Variants in AFDN observed in about 807,000 individuals in gnomAD.
AFDN encodes the protein afadin.
A neutral mutation model predicts 216.6 loss-of-function variants in AFDN; 68 were observed. The ratio of observed to expected loss-of-function variants is 0.31; its 90% CI spans 0.26 to 0.38. AFDN has a LOEUF of 0.38. AFDN is among the 10% of genes least tolerant of loss of function. The pLI is 1.00. For synonymous variants in AFDN, 868 were observed against 853.7 expected (o/e 1.02, Z -0.29); for missense variants, 2,136 against 2,342.0 (o/e 0.91, Z 1.82).
intron 23 of AFDN, among the ~76,000 whole-genome samples, chr6:167,942,845 A>G (rs145966387): frequency 2.6e-5 from 4 of 152,356 alleles, no homozygotes; most frequent in East Asian, 3.9e-4. Context: ...GATTGATAGT[A>G]TATATCATGC....
intron 19 of AFDN, 39 bp from the exon 20 acceptor site, chr6:167,917,050 A>T: frequency 1.9e-6 from 3 of 1,577,416 alleles, no homozygotes; most frequent in Non-Finnish European, 2.6e-6. Flanking sequence ...AAATAACTTT[A>T]CAAGTGTGAT....
intron 1 of AFDN, among the ~76,000 whole-genome samples, chr6:167,853,173 T>G: frequency 6.6e-6 from 1 of 152,088 alleles, no homozygotes; most frequent in South Asian, 2.1e-4. Context: ...CTACTGATGT[T>G]TCCAATTCAG....
chr6:167,965,975 C>T lies in AFDN; in HGVS notation c.5187C>T (p.Pro1729=), dbSNP rs747604927. 8.4e-6 allele frequency: 13 copies of T among 1,551,004 alleles called. No individual in the cohort carries two copies. The South Asian group carries it at 9.5e-5, about 11-fold the overall frequency. Residue 1729 remains proline, a synonymous_variant, in exon 32 of 34, where the codon CCC becomes CCT. Coordinates refer to ENST00000683244, the MANE Select transcript of AFDN (RefSeq NM_001386888.1). The stretch of plus-strand genomic sequence containing the variant: ...ACCTCAAAACACAGGTCCTCTCCCC[C>T]GACTCGCTGTTCACTGCCAAGTTTG... ...ASYLKTQVLS[P]DSLFTAKFVA...
chr6:167,890,783 T>G, intron 7 of AFDN, 79 bp from the exon 8 acceptor site: 1 of 1,386,432 alleles, frequency 7.2e-7, no homozygotes, highest in Non-Finnish European at 9.9e-7. Flanking sequence ...TGAGAAAGTT[T>G]TGCACAGTTG....
intron 1 of AFDN, among the ~76,000 whole-genome samples, chr6:167,854,436 A>G (rs1315472939): frequency 6.6e-6 from 1 of 152,004 alleles, no homozygotes; most frequent in Non-Finnish European, 1.5e-5. Flanking sequence ...TTTTTGTGAT[A>G]TCAAAGTTTT....
chr6:167,940,111 G>A (rs1276180211), intron 23 of AFDN, among the ~76,000 whole-genome samples: 1 of 152,228 alleles, frequency 6.6e-6, no homozygotes, highest in Non-Finnish European at 1.5e-5. Flanking sequence ...CTAGAGGGAG[G>A]TAGCAAGTGG....
rs752437152 is a variant in AFDN, at chr6:167,925,134, C to T, written c.3099+43C>T. 71 of 1,389,926 alleles carry T rather than the reference C, an allele frequency of 5.1e-5. No individual in the cohort carries two copies. In the Admixed American group the frequency reaches 5.7e-4, roughly 11 times the overall value. 86.1% of individuals were successfully genotyped at this position (1,389,926 alleles called of 1,614,324 possible). On this transcript the variant is annotated intron_variant, in intron 23 of 33. Coordinates refer to ENST00000683244, the MANE Select transcript of AFDN (RefSeq NM_001386888.1). Reference sequence around the variant, plus strand: ...GTGCGAGTTGTTCTCTCCAGTCTTTCGGCATTGAATCAGTGGTTGTCAGAG... The same window carrying T: ...GTGCGAGTTGTTCTCTCCAGTCTTTTGGCATTGAATCAGTGGTTGTCAGAG...
rs746603973 is a variant in AFDN at position 167,875,385 on chromosome 6, G to C, written c.629G>C (p.Ser210Thr). 18 of 1,613,904 alleles carry C rather than the reference G, an allele frequency of 1.1e-5. No individual in the cohort carries two copies. The highest frequency in any genetic ancestry group is 6.7e-5 in the Admixed American group (4 of 59,998). Residue 210 changes from serine to threonine, a missense_variant, in exon 5 of 34, where the codon AGC (serine) becomes ACC (threonine). Physicochemically the swap from Ser to Thr is moderately conservative, Grantham distance 58 (BLOSUM62 1). Transcript: ENST00000683244. Reference sequence around the variant, plus strand: ...GTTTACAAAGACATGCCGGAAACCAGCTTTACTCGAACCATTTCTAATCCT... The same window carrying C: ...GTTTACAAAGACATGCCGGAAACCACCTTTACTCGAACCATTTCTAATCCT... ...AEVYKDMPET[S>T]FTRTISNPEV...
chr6:167,862,288 C>T (rs770963315), intron 1 of AFDN, among the ~76,000 whole-genome samples: 1 of 151,824 alleles, frequency 6.6e-6, no homozygotes, highest in African/African-American at 2.4e-5. Context: ...GGCACATAGG[C>T]GGTGAGCGTG....
intron 6 of AFDN, among the ~76,000 whole-genome samples, chr6:167,882,385 G>A (rs1001360576): frequency 1.3e-5 from 2 of 151,892 alleles, no homozygotes; most frequent in Non-Finnish European, 2.9e-5. Flanking sequence ...TCAAAAGGAA[G>A]CCAGGCATGG....
chr6:167,872,658 T>C (rs1157398541), intron 4 of AFDN, among the ~76,000 whole-genome samples: 1 of 152,202 alleles, frequency 6.6e-6, no homozygotes, highest in African/African-American at 2.4e-5. Context: ...AACATTATTA[T>C]TTTTCTTTTT....
Position 167,931,145 on chromosome 6 carries a change from A to C in AFDN, c.3099+6054A>C, listed in dbSNP as rs76765810. Among the ~76,000 whole-genome samples, 15 of 152,298 alleles carry C rather than the reference A, an allele frequency of 9.8e-5. No homozygotes were observed. In the East Asian group the frequency reaches 2.3e-3, roughly 23 times the overall value. The stretch of plus-strand genomic sequence containing the variant: ...TTCTGGTTATGGTAGGTACTGATAC[A>C]TATTTGTTGAATGGCAGTTTTTGGA... On this transcript the variant is annotated intron_variant, in intron 23 of 33. Transcript: ENST00000683244.
At chr6:167,838,612 C>A (rs1028315223) in intron 1 of AFDN, among the ~76,000 whole-genome samples, 5 of 152,192 alleles carry the variant, frequency 3.3e-5, no homozygotes, top group Non-Finnish European at 5.9e-5. Flanking sequence ...AACAGTTCCT[C>A]AACATCTACT....
intron 12 of AFDN, among the ~76,000 whole-genome samples, chr6:167,906,035 G>A (rs1240755547): frequency 2.6e-5 from 4 of 152,106 alleles, no homozygotes; most frequent in African/African-American, 7.2e-5. Flanking sequence ...CCTGGGAGGC[G>A]GAGCTTGCAG....
intron 13 of AFDN, among the ~76,000 whole-genome samples, chr6:167,910,245 C>T (rs1212811606): frequency 6.6e-6 from 1 of 152,210 alleles, no homozygotes; most frequent in Non-Finnish European, 1.5e-5. Context: ...GGTGAACACA[C>T]ATACAAATGT....
intron 1 of AFDN, among the ~76,000 whole-genome samples, chr6:167,859,192 AAT>A (rs778575052): frequency 6.6e-6 from 1 of 152,042 alleles, no homozygotes; most frequent in East Asian, 1.9e-4. Context: ...AGGATTTAAA[AAT>A]AGTGTTCATA....
At chr6:167,917,370 G>C (rs1791214981) in intron 20 of AFDN, 138 bp downstream of exon 20, 1 of 957,422 alleles carries the variant, frequency 1.0e-6, no homozygotes, top group Admixed American at 2.9e-5. Context: ...TCGTGTTGCT[G>C]TCCAAGAGTT....
At chr6:167,851,641 A>G (rs952210940) in intron 1 of AFDN, among the ~76,000 whole-genome samples, 1 of 152,214 alleles carries the variant, frequency 6.6e-6, no homozygotes, top group African/African-American at 2.4e-5. Context: ...CACTTTATAG[A>G]CAGGGAACTT....
At chr6:167,905,949 CA>C (rs1354167125) in intron 12 of AFDN, among the ~76,000 whole-genome samples, 1 of 152,026 alleles carries the variant, frequency 6.6e-6, no homozygotes, top group African/African-American at 2.4e-5. Context: ...GCTAAAAATG[CA>C]AAAAATTAGC....
Sources: gnomAD v4.1 joint callset for allele counts (sites outside exome capture counted in the v4.1 genomes callset) on GRCh38, gnomAD v4.1.1 for gene constraint, MANE v1.5 for transcripts, NCBI Gene and HGNC (gene_info 2026-07-23, HGNC 2026-07-21) for gene names.